Variants in TMC1 observed in about 807,000 individuals in gnomAD.
TMC1 encodes transmembrane channel like 1.
In TMC1, 84 loss-of-function variants were observed where a neutral mutation model predicts 105.8. The observed-to-expected ratio is 0.79, with a 90% CI of 0.67 to 0.95. TMC1 has a LOEUF of 0.95. Among genes scored for constraint, TMC1 ranks in the 40% least tolerant of loss-of-function variants. TMC1 has a pLI of 0.00. For synonymous variants in TMC1, 315 were observed against 311.5 expected (o/e 1.01, Z -0.12); for missense variants, 817 against 914.1 (o/e 0.89, Z 1.37).
chr9:72,637,269 T>C (rs1224106037), intron 4 of TMC1, among the ~76,000 whole-genome samples: 3 of 151,840 alleles, frequency 2.0e-5, no homozygotes, highest in South Asian at 4.2e-4. Flanking sequence ...TTATCTAGTA[T>C]AGAGAAGTCT....
intron 8 of TMC1, among the ~76,000 whole-genome samples, chr9:72,725,036 A>C (rs1305952959): frequency 6.6e-6 from 1 of 151,946 alleles, no homozygotes; most frequent in Non-Finnish European, 1.5e-5. Flanking sequence ...GTTTTGGGGA[A>C]GAGTTATCCA....
chr9:72,581,666 G>A (rs79094910), intron 2 of TMC1, among the ~76,000 whole-genome samples: 1 of 152,318 alleles, frequency 6.6e-6, no homozygotes, highest in Non-Finnish European at 1.5e-5. Flanking sequence ...TTGCTTAGCA[G>A]TTTATTGCCT....
At chr9:72,547,073 G>A (rs1257165895) in intron 1 of TMC1, among the ~76,000 whole-genome samples, 1 of 152,122 alleles carries the variant, frequency 6.6e-6, no homozygotes, top group Non-Finnish European at 1.5e-5. Flanking sequence ...GATCACCTGA[G>A]GTCAGGAGTT....
intron 2 of TMC1, among the ~76,000 whole-genome samples, chr9:72,589,096 G>A (rs1824596817): frequency 6.6e-6 from 1 of 152,190 alleles, no homozygotes; most frequent in Non-Finnish European, 1.5e-5. Flanking sequence ...TTTAGGTGGA[G>A]TTTGGGGAAT....
At chr9:72,783,531 G>T (rs1248902163) in intron 13 of TMC1, among the ~76,000 whole-genome samples, 1 of 152,062 alleles carries the variant, frequency 6.6e-6, no homozygotes, top group Non-Finnish European at 1.5e-5. Context: ...CTGATTAGAT[G>T]ATGCCCACCC....
intron 2 of TMC1, among the ~76,000 whole-genome samples, chr9:72,597,588 G>T (rs1477265714): frequency 6.6e-6 from 1 of 152,184 alleles, no homozygotes; most frequent in Non-Finnish European, 1.5e-5. Context: ...ATAAAAGTTA[G>T]TGATTCTTAG....
intron 12 of TMC1, among the ~76,000 whole-genome samples, chr9:72,767,571 A>G (rs934339542): frequency 1.3e-5 from 2 of 152,244 alleles, no homozygotes; most frequent in Admixed American, 6.5e-5. Flanking sequence ...GCATGAATTG[A>G]GTCCTGGTAA....
chr9:72,650,891 G>GATATAT (rs71495329), intron 5 of TMC1, among the ~76,000 whole-genome samples: 2 of 117,790 alleles, frequency 1.7e-5, no homozygotes, highest in African/African-American at 6.7e-5. Context: ...TAGATATATA[G>GATATAT]ATATATATAT....
intron 1 of TMC1, among the ~76,000 whole-genome samples, chr9:72,530,588 T>TAA (rs34167245): frequency 2.1e-3 from 308 of 145,686 alleles, no homozygotes; most frequent in African/African-American, 5.9e-3. Context: ...GACTCCATCT[T>TAA]AAAAAAAAAA....
intron 2 of TMC1, among the ~76,000 whole-genome samples, chr9:72,609,790 C>CTT (rs1008057900): frequency 6.7e-6 from 1 of 149,438 alleles, no homozygotes; most frequent in African/African-American, 2.5e-5. Flanking sequence ...TTTTACATGT[C>CTT]TTTTTTTTTT....
chr9:72,836,100 C>T lies in TMC1; in HGVS notation c.*127C>T, dbSNP rs746213740. 23 of 1,115,438 alleles carry T rather than the reference C, an allele frequency of 2.1e-5. No individual in the cohort carries two copies. In the African/African-American group the frequency reaches 3.1e-4, roughly 15 times the overall value. 69.1% of individuals were successfully genotyped at this position (1,115,438 alleles called of 1,614,324 possible). A position where few individuals can be genotyped will look rare whatever the true frequency, so the allele number is the denominator to read the frequency against. On this transcript the variant is annotated 3_prime_UTR_variant, in exon 24 of 24. Coordinates refer to ENST00000297784, the MANE Select transcript of TMC1 (RefSeq NM_138691.3). ...TCCTGTTCTACCCTTGATGGATTTTCAAGGTCATGCTGGCCAATTAAGGCA... is the reference window on the plus strand; with the variant it reads ...TCCTGTTCTACCCTTGATGGATTTTTAAGGTCATGCTGGCCAATTAAGGCA...
At chr9:72,550,841 A>G (rs958549220) in intron 1 of TMC1, among the ~76,000 whole-genome samples, 1 of 152,012 alleles carries the variant, frequency 6.6e-6, no homozygotes, top group Non-Finnish European at 1.5e-5. Context: ...GGCAAAAGGA[A>G]TTTTTCAAGT....
chr9:72,767,380 G>C (rs1021937292), intron 12 of TMC1, among the ~76,000 whole-genome samples: 6 of 152,070 alleles, frequency 3.9e-5, no homozygotes, highest in Non-Finnish European at 5.9e-5. Flanking sequence ...AACATTTCTT[G>C]GTAATCATGA....
intron 2 of TMC1, among the ~76,000 whole-genome samples, chr9:72,583,706 T>C (rs1271876001): frequency 6.6e-6 from 1 of 152,238 alleles, no homozygotes; most frequent in African/African-American, 2.4e-5. Context: ...GCCAAACTTG[T>C]AGCCCAAGTT....
chr9:72,736,283 A>G (rs1827295978), intron 8 of TMC1, among the ~76,000 whole-genome samples: 1 of 152,226 alleles, frequency 6.6e-6, no homozygotes, highest in South Asian at 2.1e-4. Flanking sequence ...CAAAAACTTT[A>G]TTAATGCCAT....
At position 72,607,002 on chromosome 9, in the gene TMC1, T is replaced by TAGAGAGAGAGAGAGAGAGAG. The variant is rs57741839; in HGVS notation, c.-305-9360_-305-9341dup. ...GTGTGCATATATATATATATATATA[T>TAGAGAGAGAGAGAGAGAGAG]AGAGAGAGAGAGAGAGAGAGAGAGA... On this transcript the variant is annotated intron_variant, in intron 2 of 23. Transcript: ENST00000297784. Among the ~76,000 whole-genome samples the TAGAGAGAGAGAGAGAGAGAG allele has an allele frequency of 3.1e-3, 422 of 134,908 alleles. 4 individuals carry two copies. Among genetic ancestry groups the TAGAGAGAGAGAGAGAGAGAG allele is most frequent in the South Asian group, 5.0e-3 (20 of 4,018 alleles). 88.5% of individuals were successfully genotyped at this position (134,908 alleles called of 152,430 possible). A position where few individuals can be genotyped will look rare whatever the true frequency, so the allele number is the denominator to read the frequency against.
At chr9:72,794,555 C>G (rs13290872) in intron 17 of TMC1, among the ~76,000 whole-genome samples, 24,357 of 152,170 alleles carry the variant, frequency 0.16, 2,077 homozygotes, top group Non-Finnish European at 0.19. Context: ...AAGACAAGTA[C>G]TCAGCTTCAA....
intron 4 of TMC1, among the ~76,000 whole-genome samples, chr9:72,645,159 G>C (rs1825689645): frequency 6.6e-6 from 1 of 152,142 alleles, no homozygotes; most frequent in Non-Finnish European, 1.5e-5. Context: ...CTTAATTGAA[G>C]AGCACTGATG....
chr9:72,563,397 T>G (rs892954338), intron 1 of TMC1, among the ~76,000 whole-genome samples: 2 of 152,158 alleles, frequency 1.3e-5, no homozygotes, highest in African/African-American at 4.8e-5. Context: ...AAGGGGCCAA[T>G]TCATTAAACT....
Sources: allele counts gnomAD v4.1 joint callset (sites outside exome capture counted in the v4.1 genomes callset), GRCh38; gene constraint gnomAD v4.1.1; transcripts MANE v1.5; gene names NCBI Gene and HGNC (gene_info 2026-07-23, HGNC 2026-07-21).